Variants in NSUN3 observed in about 807,000 individuals in gnomAD.
NSUN3 encodes the protein NOP2/Sun RNA methyltransferase 3.
Under a neutral mutation model 36.8 loss-of-function variants are expected in NSUN3, and 24 were observed. The observed-to-expected ratio is 0.65, with a 90% CI of 0.47 to 0.92. NSUN3 has a LOEUF of 0.92. Ranked by LOEUF, NSUN3 falls within the 40% of genes least tolerant of loss-of-function variation. The pLI is 0.00. For synonymous variants in NSUN3, 146 were observed against 145.2 expected (o/e 1.01, Z -0.04); for missense variants, 381 against 392.8 (o/e 0.97, Z 0.25).
intron 5 of NSUN3, among the ~76,000 whole-genome samples, chr3:94,115,852 T>C (rs770998657): frequency 1.3e-4 from 20 of 152,220 alleles, no homozygotes; most frequent in Non-Finnish European, 2.5e-4. Context: ...TTAGGATGTT[T>C]TAATAGCTAT....
At chr3:94,091,285 A>G (rs1182133848) in intron 3 of NSUN3, among the ~76,000 whole-genome samples, 3 of 152,228 alleles carry the variant, frequency 2.0e-5, no homozygotes, top group Non-Finnish European at 2.9e-5. Context: ...AAAGATGACT[A>G]TCAATCCAGA....
chr3:94,125,240 A>G (rs1334372712), intron 5 of NSUN3, among the ~76,000 whole-genome samples: 2 of 152,092 alleles, frequency 1.3e-5, no homozygotes, highest in African/African-American at 4.8e-5. Flanking sequence ...TTTCTCTTAC[A>G]TATTGCTTAA....
At chr3:94,118,474 A>G (rs2077449207) in intron 5 of NSUN3, among the ~76,000 whole-genome samples, 1 of 152,182 alleles carries the variant, frequency 6.6e-6, no homozygotes, top group Middle Eastern at 3.2e-3. Context: ...AATGATGAAT[A>G]ATACCAGTCT....
chr3:94,118,759 G>A (rs1167075901), intron 5 of NSUN3, among the ~76,000 whole-genome samples: 1 of 151,696 alleles, frequency 6.6e-6, no homozygotes, highest in Non-Finnish European at 1.5e-5. Context: ...AACCCAACCT[G>A]TCTTTTTTTT....
chr3:94,093,156 A>T (rs2077323049), intron 3 of NSUN3, among the ~76,000 whole-genome samples: 1 of 150,838 alleles, frequency 6.6e-6, no homozygotes, highest in African/African-American at 2.4e-5. Flanking sequence ...TGATTTAAGG[A>T]CTCTGCATTT....
chr3:94,084,128 A>C lies in NSUN3; in HGVS notation c.144A>C (p.Ser48=). ...CTAGGGAGATACTAACATCTCCATC[A>C]TGCTGGCAATATGCTGTCCTGCTTA... ...NTVREILTSP[S]CWQYAVLLNR... The change falls in exon 3 of 6, where the codon TCA becomes TCC. Residue 48 remains serine, a synonymous_variant. Coordinates refer to ENST00000314622, the MANE Select transcript of NSUN3 (RefSeq NM_022072.5). The C allele has an allele frequency of 6.2e-7, 1 of 1,613,652 alleles. No individual in the cohort carries two copies. The highest frequency in any genetic ancestry group is 1.1e-5 in the South Asian group (1 of 91,028).
At chr3:94,098,907 T>TACTCAATTA (rs2077353921) in intron 5 of NSUN3, among the ~76,000 whole-genome samples, 1 of 152,148 alleles carries the variant, frequency 6.6e-6, no homozygotes, top group Non-Finnish European at 1.5e-5. Flanking sequence ...GTTCCTCTGC[T>TACTCAATTA]ACTCAATTAT....
intron 3 of NSUN3, among the ~76,000 whole-genome samples, chr3:94,092,742 A>G (rs2077320750): frequency 6.6e-6 from 1 of 151,880 alleles, no homozygotes; most frequent in Non-Finnish European, 1.5e-5. Flanking sequence ...CGTCTCTACT[A>G]AAAATACAAA....
At chr3:94,096,254 C>T (rs1308576642) in intron 5 of NSUN3, among the ~76,000 whole-genome samples, 2 of 152,072 alleles carry the variant, frequency 1.3e-5, no homozygotes, top group Admixed American at 1.3e-4. Flanking sequence ...GATTACGTCT[C>T]AGCTGATTAT....
chr3:94,084,125 A>C lies in NSUN3; in HGVS notation c.141A>C (p.Pro47=). ...WNTVREILTS[P]SCWQYAVLLN... ...TTTCTAGGGAGATACTAACATCTCC[A>C]TCATGCTGGCAATATGCTGTCCTGC... Residue 47 remains proline (P), a synonymous_variant, in exon 3 of 6, where the codon CCA becomes CCC. Coordinates refer to ENST00000314622, the MANE Select transcript of NSUN3 (RefSeq NM_022072.5). 1 of 1,613,434 alleles carries C rather than the reference A, an allele frequency of 6.2e-7. No individual in the cohort carries two copies. The highest frequency in any genetic ancestry group is 8.5e-7 in the Non-Finnish European group (1 of 1,179,468).
intron 3 of NSUN3, among the ~76,000 whole-genome samples, chr3:94,091,387 G>A (rs1156607536): frequency 6.6e-6 from 1 of 152,050 alleles, no homozygotes; most frequent in East Asian, 1.9e-4. Context: ...AATTCTGAAG[G>A]ATATGCTTCA....
chr3:94,088,550 C>A (rs1382956083), intron 3 of NSUN3, among the ~76,000 whole-genome samples: 1 of 151,958 alleles, frequency 6.6e-6, no homozygotes, highest in Non-Finnish European at 1.5e-5. Flanking sequence ...GAGCTGGGAT[C>A]TGAACTCAAG....
chr3:94,091,722 T>G (rs1004454221), intron 3 of NSUN3, among the ~76,000 whole-genome samples: 1 of 152,198 alleles, frequency 6.6e-6, no homozygotes, highest in Non-Finnish European at 1.5e-5. Context: ...ACATTTAAAC[T>G]AGAAAAAGAG....
intron 5 of NSUN3, among the ~76,000 whole-genome samples, chr3:94,099,585 G>C (rs2077356633): frequency 6.6e-6 from 1 of 152,086 alleles, no homozygotes; most frequent in Admixed American, 6.5e-5. Context: ...TGGCCTGCCT[G>C]AGAGGTTTTG....
In NSUN3 at chr3:94,131,138, A is replaced by C. The variant is rs2077507307; in HGVS notation, c.*4648A>C. ...GATGTGACCTCACCAGGCTGGTTTC[A>C]AACCCCTGGCCTCAAGTGATCCTCC... On this transcript the variant is annotated 3_prime_UTR_variant, in exon 6 of 6. Transcript: ENST00000314622. Among the ~76,000 whole-genome samples, 1 of 151,992 alleles carries C rather than the reference A, an allele frequency of 6.6e-6. No homozygotes were observed. The highest frequency in any genetic ancestry group is 1.5e-5 in the Non-Finnish European group (1 of 68,008).
At chr3:94,092,803 C>T (rs999670848) in intron 3 of NSUN3, among the ~76,000 whole-genome samples, 2 of 150,834 alleles carry the variant, frequency 1.3e-5, no homozygotes, top group Non-Finnish European at 1.5e-5. Context: ...ACCTGTAATC[C>T]CACCTACTTG....
intron 2 of NSUN3, among the ~76,000 whole-genome samples, chr3:94,067,614 C>T (rs1483800704): frequency 1.3e-5 from 2 of 152,202 alleles, no homozygotes; most frequent in East Asian, 3.8e-4. Flanking sequence ...ATGTTTAGTA[C>T]TTACCTGTTT....
At position 94,084,437 on chromosome 3, in the gene NSUN3, G is replaced by A. The variant is rs773440771; in HGVS notation, c.453G>A (p.Gln151=). 2.5e-6 allele frequency: 4 copies of A among 1,612,964 alleles called. No homozygotes were observed. In the Admixed American group the frequency reaches 5.0e-5, roughly 20 times the overall value. The stretch of plus-strand genomic sequence containing the variant: ...GAGGGAAATCAATAGCTCTGCTGCA[G>A]TGTGCTTGTCCAGGTAGTGTGCTTT... The part of the protein sequence containing the change: ...APGGKSIALL[Q]CACPGYLHCN... The change falls in exon 3 of 6, where the codon CAG becomes CAA. Residue 151 remains glutamine (Q), a synonymous_variant. Coordinates refer to ENST00000314622, the MANE Select transcript of NSUN3 (RefSeq NM_022072.5).
At chr3:94,117,647 T>C (rs2077446001) in intron 5 of NSUN3, among the ~76,000 whole-genome samples, 1 of 152,214 alleles carries the variant, frequency 6.6e-6, no homozygotes, top group African/African-American at 2.4e-5. Context: ...ATACATTCCA[T>C]GGCAAGAAGG....
Sources: gnomAD v4.1 joint callset for allele counts (sites outside exome capture counted in the v4.1 genomes callset) on GRCh38, gnomAD v4.1.1 for gene constraint, MANE v1.5 for transcripts, NCBI Gene and HGNC (gene_info 2026-07-23, HGNC 2026-07-21) for gene names.